Variants in COL19A1 observed in about 807,000 individuals in gnomAD.
COL19A1 encodes collagen alpha-1(XIX) chain.
In COL19A1, 159 loss-of-function variants were observed where a neutral mutation model predicts 190.2. The observed-to-expected ratio is 0.84, with a 90% CI of 0.73 to 0.95. COL19A1 has a LOEUF of 0.95. COL19A1 is among the 40% of genes least tolerant of loss of function. The pLI is 0.00. For synonymous variants in COL19A1, 509 were observed against 458.9 expected (o/e 1.11, Z -1.39); for missense variants, 1,418 against 1,431.9 (o/e 0.99, Z 0.16).
chr6:70,150,779 G>A lies in COL19A1; in HGVS notation c.2038-618G>A, dbSNP rs570095838. ...AGGCATATTTTGGCATTACTTTAAC[G>A]CCACTGTTGAGTGAATCACTTGTGC... On this transcript the variant is annotated intron_variant, in intron 30 of 50. Transcript: ENST00000620364. Among the ~76,000 whole-genome samples the A allele has an allele frequency of 1.2e-4, 18 of 152,122 alleles. No homozygotes were observed. In the East Asian group the frequency reaches 3.5e-3, roughly 29 times the overall value.
chr6:70,061,515 G>T (rs952022656), intron 14 of COL19A1, among the ~76,000 whole-genome samples: 1 of 151,790 alleles, frequency 6.6e-6, no homozygotes, highest in African/African-American at 2.4e-5. Flanking sequence ...CTTGAGTCTC[G>T]CATACAAAAG....
chr6:70,086,560 T>C (rs949048592), intron 15 of COL19A1, among the ~76,000 whole-genome samples: 1 of 152,174 alleles, frequency 6.6e-6, no homozygotes, highest in Admixed American at 6.5e-5. Flanking sequence ...AAATAATCAT[T>C]TGTTATGTTA....
At chr6:69,948,641 AAG>A (rs1024991940) in intron 9 of COL19A1, among the ~76,000 whole-genome samples, 51 of 151,824 alleles carry the variant, frequency 3.4e-4, no homozygotes, top group Admixed American at 4.6e-4. Context: ...TCTCTAGAAG[AAG>A]AGAGAGTTTC....
At chr6:69,925,630 T>C (rs938901817) in intron 4 of COL19A1, among the ~76,000 whole-genome samples, 2 of 152,178 alleles carry the variant, frequency 1.3e-5, no homozygotes, top group African/African-American at 4.8e-5. Flanking sequence ...AAGAAAGTCA[T>C]TGGTAGCTTG....
chr6:70,143,582 T>G (rs1159920882), intron 23 of COL19A1, among the ~76,000 whole-genome samples: 1 of 151,994 alleles, frequency 6.6e-6, no homozygotes, highest in Non-Finnish European at 1.5e-5. Flanking sequence ...AACCTCACAT[T>G]CTATTCTCCA....
intron 44 of COL19A1, among the ~76,000 whole-genome samples, chr6:70,181,266 C>T (rs1437869250): frequency 6.6e-6 from 1 of 152,150 alleles, no homozygotes; most frequent in Admixed American, 6.5e-5. Context: ...TTTGGCACCT[C>T]TGTGAAACCT....
chr6:69,911,733 C>G (rs1055937899), intron 4 of COL19A1, among the ~76,000 whole-genome samples: 1 of 152,200 alleles, frequency 6.6e-6, no homozygotes, highest in Non-Finnish European at 1.5e-5. Flanking sequence ...CACTTGTGCT[C>G]TTAATCCTCT....
intron 19 of COL19A1, among the ~76,000 whole-genome samples, chr6:70,139,947 C>A (rs1786134525): frequency 6.7e-6 from 1 of 148,734 alleles, no homozygotes; most frequent in African/African-American, 2.5e-5. Flanking sequence ...TCTTTTATAA[C>A]CAGTTACTTT....
intron 25 of COL19A1, among the ~76,000 whole-genome samples, chr6:70,145,952 C>T (rs1786611317): frequency 6.6e-6 from 1 of 152,010 alleles, no homozygotes; most frequent in African/African-American, 2.4e-5. Flanking sequence ...AACTCCTGAG[C>T]TCAAGTGATC....
rs1266313478 is a variant in COL19A1 at position 70,144,967 on chromosome 6, G to T, written c.1730G>T (p.Gly577Val). The T allele has an allele frequency of 1.3e-6, 2 of 1,594,878 alleles. No individual in the cohort carries two copies. The highest frequency in any genetic ancestry group is 1.7e-6 in the Non-Finnish European group (2 of 1,169,190). ...IGPPGLPGPK[G>V]EAGPPGKSLP... is the part of the protein sequence containing the mutation. ...CCTCCCGGGCTTCCAGGTCCAAAAG[G>T]TGAGGCTGGTCCTCCAGGGAAAAGC... Residue 577 changes from glycine (G) to valine (V), a missense_variant, in exon 25 of 51, where the codon GGT becomes GTT. Physicochemically the swap from Gly to Val is moderately radical, Grantham distance 109 (BLOSUM62 -3). Transcript: ENST00000620364.
chr6:69,946,326 TTAAC>T (rs1352434965), intron 9 of COL19A1, among the ~76,000 whole-genome samples: 14 of 152,066 alleles, frequency 9.2e-5, no homozygotes, highest in African/African-American at 3.4e-4. Flanking sequence ...ATATTTTGGT[TTAAC>T]TAATTTTTAT....
chr6:70,190,669 A>G (rs1463005817), intron 48 of COL19A1, among the ~76,000 whole-genome samples: 1 of 152,168 alleles, frequency 6.6e-6, no homozygotes, highest in East Asian at 1.9e-4. Context: ...AATATCCCTC[A>G]TACTCCTCCT....
chr6:70,006,741 T>C (rs1355200635), intron 11 of COL19A1, among the ~76,000 whole-genome samples: 1 of 152,084 alleles, frequency 6.6e-6, no homozygotes, highest in Non-Finnish European at 1.5e-5. Context: ...GTTAAAGCAA[T>C]AACTATTACA....
intron 15 of COL19A1, among the ~76,000 whole-genome samples, chr6:70,089,319 G>A (rs75149621): frequency 0.076 from 11,493 of 152,022 alleles, 597 homozygotes; most frequent in Middle Eastern, 0.12. Flanking sequence ...ACCCCTCAAG[G>A]CTCTCATTTG....
chr6:70,028,987 T>C (rs1202685918), intron 12 of COL19A1, among the ~76,000 whole-genome samples: 1 of 152,212 alleles, frequency 6.6e-6, no homozygotes, highest in Non-Finnish European at 1.5e-5. Flanking sequence ...TTGAGTTGTC[T>C]CTTTTTCTGA....
intron 11 of COL19A1, among the ~76,000 whole-genome samples, chr6:69,982,385 C>T (rs1776083971): frequency 6.6e-6 from 1 of 151,780 alleles, no homozygotes; most frequent in Non-Finnish European, 1.5e-5. Context: ...GGATTACAGG[C>T]ACCTGCCGCC....
At chr6:70,019,530 G>A (rs528430598) in intron 11 of COL19A1, among the ~76,000 whole-genome samples, 21 of 152,200 alleles carry the variant, frequency 1.4e-4, no homozygotes, top group Admixed American at 1.3e-3. Context: ...AGACATTGCA[G>A]TTTTGTTTGG....
At chr6:70,120,976 G>A (rs1304579201) in intron 16 of COL19A1, among the ~76,000 whole-genome samples, 2 of 152,042 alleles carry the variant, frequency 1.3e-5, no homozygotes, top group African/African-American at 2.4e-5. Flanking sequence ...TTTGTATAAT[G>A]GTGCTGTTTG....
In COL19A1 at chr6:69,990,599, C is replaced by A. The variant is rs139968411; in HGVS notation, c.1026+27729C>A. Among the ~76,000 whole-genome samples the A allele has an allele frequency of 3.4e-3, 516 of 152,058 alleles. 3 individuals carry two copies. The highest frequency in any genetic ancestry group is 0.012 in the African/African-American group (494 of 41,512). The stretch of plus-strand genomic sequence containing the variant: ...ATCGGGGTTGTTTGTCCTGAAGAAT[C>A]TTCCATAGCCTGGATTTGCCAACTG... On this transcript the variant is annotated intron_variant, in intron 11 of 50. Coordinates refer to ENST00000620364, the MANE Select transcript of COL19A1 (RefSeq NM_001858.6).
Sources: allele counts gnomAD v4.1 joint callset (sites outside exome capture counted in the v4.1 genomes callset), GRCh38; gene constraint gnomAD v4.1.1; transcripts MANE v1.5; gene names NCBI Gene and HGNC (gene_info 2026-07-23, HGNC 2026-07-21).